PTPRN2: variants seen among roughly 807,000 people sequenced by gnomAD.
The protein encoded by PTPRN2 is receptor-type tyrosine-protein phosphatase N2.
PTPRN2 carries 74 observed loss-of-function variants against 118.8 expected under a neutral mutation model. The observed-to-expected ratio is 0.62, with a 90% CI of 0.52 to 0.76. PTPRN2 has a LOEUF of 0.76. Among genes scored for constraint, PTPRN2 ranks in the 30% least tolerant of loss-of-function variants. PTPRN2 has a pLI of 0.00. For synonymous variants in PTPRN2, 641 were observed against 608.0 expected (o/e 1.05, Z -0.80); for missense variants, 1,481 against 1,394.4 (o/e 1.06, Z -0.99).
rs571598200 is a variant in PTPRN2, at chr7:158,471,078, GT to G, written c.163+18656del. ...GAGACGGGGTTTCACCATGTCAAAG[GT>G]TTTTTTTGTTTTGTTTTCATAAATT... On this transcript the variant is annotated intron_variant, in intron 2 of 22. Transcript: ENST00000389418. Among the ~76,000 whole-genome samples the G allele has an allele frequency of 3.9e-5, 6 of 151,938 alleles. No homozygotes were observed. In the East Asian group the frequency reaches 1.2e-3, roughly 29 times the overall value.
In PTPRN2 at chr7:158,555,355, C is replaced by T. The variant is rs1289934068; in HGVS notation, c.112+32203G>A. 6.6e-6 allele frequency among the ~76,000 whole-genome samples: 1 copy of T among 152,204 alleles called. No homozygotes were observed. Among genetic ancestry groups the T allele is most frequent in the Non-Finnish European group, 1.5e-5 (1 of 68,048 alleles). The stretch of plus-strand genomic sequence containing the variant: ...GCACCAAGCCCAGCGTCGAACGAAG[C>T]AGGTCCTTCTCCCTTCACAAGCAGC... On this transcript the variant is annotated intron_variant, in intron 1 of 22. Coordinates refer to ENST00000389418, the MANE Select transcript of PTPRN2 (RefSeq NM_002847.5). This position sits in a 1 kb window ranked among gnomAD's most constrained non-coding sequence, Gnocchi z 4.7.
chr7:157,824,342 C>T (rs1368279895), intron 12 of PTPRN2, among the ~76,000 whole-genome samples: 1 of 152,234 alleles, frequency 6.6e-6, no homozygotes, highest in Non-Finnish European at 1.5e-5. Flanking sequence ...AGAGGGCCTT[C>T]CCCTTTGCAC....
At chr7:158,269,499 C>T (rs1798152479) in intron 3 of PTPRN2, among the ~76,000 whole-genome samples, 1 of 152,360 alleles carries the variant, frequency 6.6e-6, no homozygotes, top group South Asian at 2.1e-4. Context: ...GAAGTCTGGG[C>T]TCTGGGGAAG....
At chr7:158,340,276 C>A (rs1384597159) in intron 2 of PTPRN2, among the ~76,000 whole-genome samples, 1 of 95,386 alleles carries the variant, frequency 1.0e-5, no homozygotes, top group African/African-American at 3.7e-5. Flanking sequence ...CTACAGACAT[C>A]ACTCACACCC....
At chr7:157,593,632 G>A (rs1801123270) in intron 17 of PTPRN2, among the ~76,000 whole-genome samples, 2 of 152,206 alleles carry the variant, frequency 1.3e-5, no homozygotes, top group South Asian at 4.1e-4. Context: ...TGCACAGCAG[G>A]GGGCATCCCT....
chr7:158,059,850 G>A (rs1274426109), intron 11 of PTPRN2, among the ~76,000 whole-genome samples: 3 of 117,660 alleles, frequency 2.5e-5, no homozygotes, highest in Admixed American at 8.1e-5. Flanking sequence ...AGACATCACT[G>A]CAGCCACACT....
intron 2 of PTPRN2, among the ~76,000 whole-genome samples, chr7:158,444,037 T>C (rs1563302264): frequency 6.6e-6 from 1 of 152,180 alleles, no homozygotes. Flanking sequence ...GATGGCCCTG[T>C]TCAGTCAGGG....
At chr7:157,580,829 C>G (rs1215660364) in intron 17 of PTPRN2, among the ~76,000 whole-genome samples, 3 of 124,456 alleles carry the variant, frequency 2.4e-5, no homozygotes, top group Non-Finnish European at 3.4e-5. Flanking sequence ...CCTGCACACC[C>G]CAGCACCTGC....
At chr7:157,802,006 G>C (rs944629853) in intron 12 of PTPRN2, among the ~76,000 whole-genome samples, 1 of 152,112 alleles carries the variant, frequency 6.6e-6, no homozygotes, top group Non-Finnish European at 1.5e-5. Context: ...TGGACTTCTC[G>C]GCGTGCAGCT....
chr7:158,092,101 G>A (rs941682766), intron 10 of PTPRN2, among the ~76,000 whole-genome samples: 1 of 150,466 alleles, frequency 6.6e-6, no homozygotes, highest in Admixed American at 6.6e-5. Context: ...TGAGGGATAG[G>A]TGATAGATGG....
At chr7:157,649,815 C>T (rs1444191723) in intron 14 of PTPRN2, among the ~76,000 whole-genome samples, 25 of 150,246 alleles carry the variant, frequency 1.7e-4, no homozygotes, top group South Asian at 2.1e-4. Flanking sequence ...GCACTGAACT[C>T]GGTGGGTCGG....
chr7:158,200,932 A>C (rs567277611), intron 4 of PTPRN2, among the ~76,000 whole-genome samples: 8 of 152,246 alleles, frequency 5.3e-5, no homozygotes, highest in Non-Finnish European at 1.0e-4. Context: ...TATTTTTTTA[A>C]AAATGAATAA....
intron 15 of PTPRN2, chr7:157,613,939 CA>C (rs753593357): frequency 2.2e-6 from 1 of 450,862 alleles, no homozygotes; most frequent in Non-Finnish European, 4.6e-6. Context: ...GCCACATGGC[CA>C]GGGGCGACCC....
intron 12 of PTPRN2, among the ~76,000 whole-genome samples, chr7:157,750,407 G>C (rs1005426807): frequency 6.6e-6 from 1 of 152,166 alleles, no homozygotes; most frequent in African/African-American, 2.4e-5. Flanking sequence ...CTACTGCACA[G>C]GAATGTCCCA....
intron 10 of PTPRN2, among the ~76,000 whole-genome samples, chr7:158,097,961 G>T (rs1372369612): frequency 6.6e-6 from 1 of 152,182 alleles, no homozygotes; most frequent in Non-Finnish European, 1.5e-5. Flanking sequence ...CTGACAGGCA[G>T]CACCGCGTGG....
Position 157,944,279 on chromosome 7 carries a change from C to T in PTPRN2, c.1724-45542G>A, listed in dbSNP as rs1800330176. Among the ~76,000 whole-genome samples, 1 of 152,168 alleles carries T rather than the reference C, an allele frequency of 6.6e-6. No homozygotes were observed. On this transcript the variant is annotated intron_variant, in intron 11 of 22. Coordinates refer to ENST00000389418, the MANE Select transcript of PTPRN2 (RefSeq NM_002847.5). The surrounding 1 kb of genome is among the most constrained non-coding windows in gnomAD (Gnocchi z 4.3). ...CGCCAGCCTGCCCCCACGGTCATGT[C>T]CAGCTTAACCAACACACGGCCCAGC...
At chr7:157,593,103 A>G (rs1269687858) in intron 17 of PTPRN2, among the ~76,000 whole-genome samples, 22 of 143,330 alleles carry the variant, frequency 1.5e-4, no homozygotes, top group African/African-American at 5.8e-4. Flanking sequence ...TTCACGCAGG[A>G]TGGAGGGTGG....
chr7:157,919,779 C>T (rs954092175), intron 11 of PTPRN2, among the ~76,000 whole-genome samples: 2 of 152,300 alleles, frequency 1.3e-5, no homozygotes, highest in South Asian at 2.1e-4. Context: ...TCATGCACCA[C>T]GTACTAACGT....
At chr7:157,803,416 T>C (rs1184531565) in intron 12 of PTPRN2, among the ~76,000 whole-genome samples, 2 of 152,260 alleles carry the variant, frequency 1.3e-5, no homozygotes, top group Non-Finnish European at 1.5e-5. Flanking sequence ...GTTTCCCTGC[T>C]GATGCAGGAG....
Sources: allele counts gnomAD v4.1 joint callset (sites outside exome capture counted in the v4.1 genomes callset), GRCh38; gene constraint gnomAD v4.1.1; non-coding constraint Gnocchi (gnomAD v3.1); transcripts MANE v1.5; gene names NCBI Gene and HGNC (gene_info 2026-07-23, HGNC 2026-07-21).